THSD7B: variants seen among roughly 807,000 people sequenced by gnomAD.
The protein encoded by THSD7B is thrombospondin type-1 domain-containing protein 7B.
Under a neutral mutation model 213.6 loss-of-function variants are expected in THSD7B, and 138 were observed. The observed-to-expected ratio is 0.65, with a 90% CI of 0.56 to 0.74. The LOEUF (loss-of-function observed/expected upper bound fraction) is 0.74, where lower values mean the gene tolerates loss of function less well. Ranked by LOEUF, THSD7B falls within the 30% of genes least tolerant of loss-of-function variation. The pLI is 0.00. For synonymous variants in THSD7B, 742 were observed against 687.0 expected (o/e 1.08, Z -1.25); for missense variants, 1,931 against 1,991.5 (o/e 0.97, Z 0.58).
intron 7 of THSD7B, among the ~76,000 whole-genome samples, chr2:137,220,134 T>C (rs112795159): frequency 6.6e-6 from 1 of 152,182 alleles, no homozygotes; most frequent in Non-Finnish European, 1.5e-5. Flanking sequence ...AAAATTTGTA[T>C]TTTTAAATAC....
At chr2:137,414,389 A>G (rs988681675) in intron 14 of THSD7B, among the ~76,000 whole-genome samples, 3 of 152,144 alleles carry the variant, frequency 2.0e-5, no homozygotes, top group Non-Finnish European at 4.4e-5. Context: ...TTACTAATAA[A>G]GACTTAGTGT....
intron 2 of THSD7B, among the ~76,000 whole-genome samples, chr2:137,023,660 GGTTA>G (rs1402826733): frequency 6.6e-6 from 1 of 152,096 alleles, no homozygotes; most frequent in Non-Finnish European, 1.5e-5. Flanking sequence ...CAGGGAAAAT[GGTTA>G]GTTAAGAAAG....
intron 1 of THSD7B, among the ~76,000 whole-genome samples, chr2:136,833,385 A>AAAAAAAAG (rs1383636225): frequency 1.5e-4 from 21 of 136,362 alleles, no homozygotes; most frequent in African/African-American, 6.3e-4. Flanking sequence ...AAAAAAAAAA[A>AAAAAAAAG]AGAGAGAGAG....
chr2:137,136,445 C>A (rs939587716), intron 5 of THSD7B, among the ~76,000 whole-genome samples: 3 of 152,094 alleles, frequency 2.0e-5, no homozygotes, highest in African/African-American at 7.2e-5. Context: ...TTCAATCAGG[C>A]CCTCTTATGC....
At chr2:137,607,550 G>A (rs1422672315) in intron 17 of THSD7B, among the ~76,000 whole-genome samples, 1 of 152,136 alleles carries the variant, frequency 6.6e-6, no homozygotes, top group East Asian at 1.9e-4. Context: ...TCGCAATAAT[G>A]TCCTTTATAG....
intron 12 of THSD7B, among the ~76,000 whole-genome samples, chr2:137,361,336 T>C (rs143691715): frequency 0.092 from 14,030 of 151,878 alleles, 782 homozygotes; most frequent in Non-Finnish European, 0.12. Flanking sequence ...TCCAAAGGAG[T>C]GCAGCTCCTC....
chr2:137,631,786 T>C (rs1477885946), intron 20 of THSD7B, among the ~76,000 whole-genome samples: 1 of 152,146 alleles, frequency 6.6e-6, no homozygotes, highest in Non-Finnish European at 1.5e-5. Context: ...GACAAGAAAC[T>C]CGACGATCTG....
At chr2:137,177,916 C>T (rs1353662512) in intron 7 of THSD7B, among the ~76,000 whole-genome samples, 1 of 151,894 alleles carries the variant, frequency 6.6e-6, no homozygotes. Flanking sequence ...ACTAAAAATA[C>T]AGAAATTAGC....
At chr2:136,952,297 T>C (rs986076365) in intron 2 of THSD7B, among the ~76,000 whole-genome samples, 3 of 152,176 alleles carry the variant, frequency 2.0e-5, no homozygotes, top group African/African-American at 7.2e-5. Flanking sequence ...TAGAAATAAC[T>C]TAAATTGTTA....
intron 2 of THSD7B, among the ~76,000 whole-genome samples, chr2:136,890,350 TTC>T (rs1558839912): frequency 0.045 from 230 of 5,086 alleles, 46 homozygotes; most frequent in African/African-American, 0.11. Flanking sequence ...CTTCTTCTTC[TTC>T]TTCTTCTTCT....
intron 2 of THSD7B, among the ~76,000 whole-genome samples, chr2:136,950,581 G>A (rs1016485864): frequency 6.6e-5 from 10 of 152,072 alleles, no homozygotes; most frequent in African/African-American, 2.4e-4. Context: ...TTAATATTAC[G>A]ATTAAGCTCA....
intron 2 of THSD7B, among the ~76,000 whole-genome samples, chr2:136,946,898 C>T (rs548941295): frequency 1.3e-5 from 2 of 152,278 alleles, no homozygotes; most frequent in African/African-American, 2.4e-5. Flanking sequence ...TCGTGACTTC[C>T]CTTGGCTAGG....
intron 1 of THSD7B, among the ~76,000 whole-genome samples, chr2:136,772,766 G>A (rs1681532195): frequency 6.6e-6 from 1 of 152,104 alleles, no homozygotes; most frequent in African/African-American, 2.4e-5. Context: ...ACAACTTACT[G>A]AGAAGAGAAG....
intron 2 of THSD7B, among the ~76,000 whole-genome samples, chr2:136,985,531 T>C (rs1003397287): frequency 7.2e-5 from 11 of 152,290 alleles, no homozygotes; most frequent in Non-Finnish European, 1.3e-4. Flanking sequence ...AGGAGAGAAG[T>C]GGGGCTTGGC....
At chr2:137,134,855 A>C (rs547573725) in intron 5 of THSD7B, among the ~76,000 whole-genome samples, 1 of 152,144 alleles carries the variant, frequency 6.6e-6, no homozygotes, top group African/African-American at 2.4e-5. Context: ...TTTCATTAAC[A>C]GCAGTAACAA....
chr2:136,770,668 A>G (rs1271214903), intron 1 of THSD7B, among the ~76,000 whole-genome samples: 2 of 152,204 alleles, frequency 1.3e-5, no homozygotes, highest in Non-Finnish European at 1.5e-5. Flanking sequence ...CTTATGCCCC[A>G]GACCTACCAA....
chr2:136,939,744 C>T (rs1684789280), intron 2 of THSD7B, among the ~76,000 whole-genome samples: 2 of 152,194 alleles, frequency 1.3e-5, no homozygotes, highest in African/African-American at 2.4e-5. Context: ...GTTCCCTTCT[C>T]GCTTCACAGG....
chr2:137,557,617 G>T (rs1299074160), intron 15 of THSD7B, among the ~76,000 whole-genome samples: 1 of 152,080 alleles, frequency 6.6e-6, no homozygotes, highest in African/African-American at 2.4e-5. Context: ...AAGCAGGAAA[G>T]ATCTAAAATT....
chr2:137,346,360 T>A (rs1378452670), intron 12 of THSD7B, among the ~76,000 whole-genome samples: 1 of 151,640 alleles, frequency 6.6e-6, no homozygotes, highest in Admixed American at 6.6e-5. Context: ...TGGGTTTATT[T>A]CCCTTAGCAT....
Sources: gnomAD v4.1 joint callset for allele counts (sites outside exome capture counted in the v4.1 genomes callset) on GRCh38, gnomAD v4.1.1 for gene constraint, MANE v1.5 for transcripts, NCBI Gene and HGNC (gene_info 2026-07-23, HGNC 2026-07-21) for gene names.